Variants in ONECUT1 observed in about 807,000 individuals in gnomAD.
The protein encoded by ONECUT1 is one cut homeobox 1.
In ONECUT1, 12 loss-of-function variants were observed where a neutral mutation model predicts 25.6. That is an observed-to-expected ratio of 0.47 (90% confidence interval 0.30 to 0.76). ONECUT1 has a LOEUF of 0.76. Ranked by LOEUF, ONECUT1 falls within the 30% of genes least tolerant of loss-of-function variation. ONECUT1 has a pLI of 0.07. For missense variants in ONECUT1, 620 were observed against 651.2 expected (o/e 0.95, Z 0.52); for synonymous variants, 285 against 270.2 (o/e 1.05, Z -0.54).
intron 1 of ONECUT1, among the ~76,000 whole-genome samples, chr15:52,785,159 G>T (rs1022436330): frequency 1.3e-5 from 2 of 152,252 alleles, no homozygotes; most frequent in Non-Finnish European, 2.9e-5. Flanking sequence ...CCGCACTCCT[G>T]CCTGACTCCC....
At chr15:52,778,396 T>C (rs1476348906) in intron 1 of ONECUT1, among the ~76,000 whole-genome samples, 1 of 152,230 alleles carries the variant, frequency 6.6e-6, no homozygotes, top group Non-Finnish European at 1.5e-5. Flanking sequence ...AAGAACAGTC[T>C]TTGCATGTCT....
At chr15:52,778,185 A>AT (rs1305691327) in intron 1 of ONECUT1, among the ~76,000 whole-genome samples, 1 of 152,248 alleles carries the variant, frequency 6.6e-6, no homozygotes, top group African/African-American at 2.4e-5. Context: ...CCACTCAATA[A>AT]AAGAACTAGA....
intron 1 of ONECUT1, among the ~76,000 whole-genome samples, chr15:52,783,683 G>A (rs969019180): frequency 6.6e-6 from 1 of 152,222 alleles, no homozygotes; most frequent in Non-Finnish European, 1.5e-5. Flanking sequence ...AATCCGCCGG[G>A]TATTATATCC....
intron 1 of ONECUT1, among the ~76,000 whole-genome samples, chr15:52,780,233 G>A (rs72740282): frequency 0.037 from 5,574 of 152,266 alleles, 137 homozygotes; most frequent in Non-Finnish European, 0.053. Context: ...GGGGTGGGGG[G>A]CTTGGAGGGA....
At chr15:52,768,359 G>A (rs2083747336) in intron 1 of ONECUT1, among the ~76,000 whole-genome samples, 1 of 152,002 alleles carries the variant, frequency 6.6e-6, no homozygotes, top group African/African-American at 2.4e-5. Context: ...ACTAAAAAAG[G>A]ATTTTTCTAA....
chr15:52,758,990 T>G (rs1038458219), intron 1 of ONECUT1, among the ~76,000 whole-genome samples: 40 of 152,148 alleles, frequency 2.6e-4, no homozygotes, highest in African/African-American at 9.4e-4. Flanking sequence ...AATGCAGCCT[T>G]AAGAAAAGGC....
In ONECUT1 at chr15:52,789,733, C is replaced by G. The variant is rs759105005; in HGVS notation, c.152G>C (p.Arg51Pro). Reference protein sequence around the residue: ...RGSHLPPAHPRSMGMASLLDG... With the variant: ...RGSHLPPAHPPSMGMASLLDG... ...CAGCAGGGACGCCATGCCCATGGAG[C>G]GCGGGTGCGCGGGGGGCAGGTGGCT... Residue 51 changes from arginine to proline, a missense_variant, in exon 1 of 2, where the codon CGC (arginine) becomes CCC (proline). Transcript: ENST00000305901. The surrounding 1 kb of genome is among the most constrained non-coding windows in gnomAD (Gnocchi z 4.1). The G allele has an allele frequency of 7.1e-7, 1 of 1,415,018 alleles. No individual in the cohort carries two copies. The highest frequency in any genetic ancestry group is 3.2e-5 in the Admixed American group (1 of 30,866). 87.7% of individuals were successfully genotyped at this position (1,415,018 alleles called of 1,614,324 possible). A position where few individuals can be genotyped will look rare whatever the true frequency, so the allele number is the denominator to read the frequency against.
intron 1 of ONECUT1, among the ~76,000 whole-genome samples, chr15:52,769,549 C>T (rs1199045736): frequency 1.3e-5 from 2 of 152,122 alleles, no homozygotes; most frequent in Non-Finnish European, 2.9e-5. Flanking sequence ...GCTGAAATGT[C>T]ACTGACTGGG....
intron 1 of ONECUT1, among the ~76,000 whole-genome samples, chr15:52,771,852 C>T (rs542606433): frequency 6.6e-6 from 1 of 152,164 alleles, no homozygotes; most frequent in African/African-American, 2.4e-5. Context: ...CCTTTCCAAG[C>T]TCAAGAGAAT....
chr15:52,785,652 A>T (rs1452052081), intron 1 of ONECUT1: 1 of 152,272 alleles, frequency 6.6e-6, no homozygotes, highest in Non-Finnish European at 1.5e-5. Flanking sequence ...TGGTCTTGAT[A>T]GACGCCCACG....
chr15:52,764,253 C>T (rs956630341), intron 1 of ONECUT1, among the ~76,000 whole-genome samples: 2 of 152,212 alleles, frequency 1.3e-5, no homozygotes, highest in African/African-American at 4.8e-5. Context: ...AGCCTGGACT[C>T]TTGAAGACAC....
chr15:52,761,835 G>A (rs1476154612), intron 1 of ONECUT1, among the ~76,000 whole-genome samples: 3 of 152,126 alleles, frequency 2.0e-5, no homozygotes, highest in East Asian at 1.9e-4. Context: ...ATAGTAATGG[G>A]GCCATTAGGA....
chr15:52,787,482 C>T (rs1467680048), intron 1 of ONECUT1, among the ~76,000 whole-genome samples: 1 of 152,090 alleles, frequency 6.6e-6, no homozygotes, highest in Admixed American at 6.5e-5. Flanking sequence ...TCAGTGCCCC[C>T]GGCTCAGAGC....
At chr15:52,769,811 C>T (rs567593252) in intron 1 of ONECUT1, among the ~76,000 whole-genome samples, 71 of 152,274 alleles carry the variant, frequency 4.7e-4, no homozygotes, top group Middle Eastern at 6.8e-3. Flanking sequence ...TGCATCCGTC[C>T]TTGCTAAGTT....
intron 1 of ONECUT1, among the ~76,000 whole-genome samples, chr15:52,758,474 A>G (rs1016748874): frequency 6.6e-6 from 1 of 152,138 alleles, no homozygotes; most frequent in Admixed American, 6.6e-5. Flanking sequence ...TATCATGGCC[A>G]TCAAACAGTC....
chr15:52,768,638 T>G (rs530825742), intron 1 of ONECUT1, among the ~76,000 whole-genome samples: 1 of 152,068 alleles, frequency 6.6e-6, no homozygotes, highest in African/African-American at 2.4e-5. Flanking sequence ...AATTAATAGA[T>G]GTATATGTTA....
At chr15:52,766,326 C>T (rs7165433) in intron 1 of ONECUT1, among the ~76,000 whole-genome samples, 1,821 of 151,452 alleles carry the variant, frequency 0.012, 53 homozygotes, top group African/African-American at 0.043. Flanking sequence ...CCTCCAGCTT[C>T]ACTGGACCCT....
At chr15:52,781,713 T>C (rs1005880177) in intron 1 of ONECUT1, among the ~76,000 whole-genome samples, 4 of 152,070 alleles carry the variant, frequency 2.6e-5, no homozygotes, top group Admixed American at 2.0e-4. Flanking sequence ...CACCTGGGAG[T>C]TTATAAAAAT....
chr15:52,769,324 G>A (rs1323443700), intron 1 of ONECUT1, among the ~76,000 whole-genome samples: 1 of 152,222 alleles, frequency 6.6e-6, no homozygotes, highest in South Asian at 2.1e-4. Flanking sequence ...TGTTGGGAAA[G>A]CAAGTTGGAT....
Sources: gnomAD v4.1 joint callset for allele counts (sites outside exome capture counted in the v4.1 genomes callset) on GRCh38, gnomAD v4.1.1 for gene constraint, Gnocchi (gnomAD v3.1) non-coding constraint, MANE v1.5 for transcripts, NCBI Gene and HGNC (gene_info 2026-07-23, HGNC 2026-07-21) for gene names.